The following SRSF7 variants were observed in gnomAD, a reference collection of about 807,000 sequenced individuals.
SRSF7 encodes the protein serine and arginine rich splicing factor 7.
Under a neutral mutation model 42.2 loss-of-function variants are expected in SRSF7, and 15 were observed. The observed-to-expected ratio is 0.36, with a 90% CI of 0.24 to 0.55. The LOEUF (loss-of-function observed/expected upper bound fraction) is 0.55. Ranked by LOEUF, SRSF7 falls within the 20% of genes least tolerant of loss-of-function variation. SRSF7 has a pLI of 0.88. For missense variants in SRSF7, 181 were observed against 305.9 expected, an observed-to-expected ratio of 0.59 and a Z score of 3.04; for synonymous variants, 138 against 107.9, an observed-to-expected ratio of 1.28 and a Z score of -1.73.
chr2:38,746,262 AAT>A, intron 6 of SRSF7, 83 bp from the exon 7 acceptor site: 1 of 1,466,884 alleles, frequency 6.8e-7, no homozygotes, highest in Non-Finnish European at 9.5e-7. Flanking sequence ...AAAACCCCCA[AAT>A]GTCCTAAGCT....
chr2:38,747,986 A>G lies in SRSF7; in HGVS notation c.572+61T>C, dbSNP rs987426128. On this transcript the variant is annotated intron_variant, in intron 5 of 7. Coordinates refer to ENST00000313117, the MANE Select transcript of SRSF7 (RefSeq NM_001031684.3). The stretch of plus-strand genomic sequence containing the variant: ...AATCCATTTGAATTATGTCCTTAAG[A>G]CACTCTACTGATAAGATGTGAACAA... The G allele has an allele frequency of 8.9e-6, 11 of 1,236,028 alleles. No homozygotes were observed. The African/African-American group carries it at 1.6e-4, about 18-fold the overall frequency. The allele number at this position is 1,236,028 out of a possible 1,614,324, so 76.6% of individuals were successfully genotyped here.
At chr2:38,751,173 C>G in intron 1 of SRSF7, 56 bp downstream of exon 1, 2 of 1,609,516 alleles carry the variant, frequency 1.2e-6, no homozygotes, top group Admixed American at 1.7e-5. Flanking sequence ...ACCCTACGGC[C>G]TCGCAGTGCT....
In SRSF7 at chr2:38,746,574, G is replaced by A. The variant is rs1398388540; in HGVS notation, c.626+120C>T. 10 of 1,438,672 alleles carry A rather than the reference G, an allele frequency of 7.0e-6. No homozygotes were observed. In the Middle Eastern group the frequency reaches 7.2e-4, roughly 103 times the overall value. 89.1% of individuals were successfully genotyped at this position (1,438,672 alleles called of 1,614,324 possible). A position where few individuals can be genotyped will look rare whatever the true frequency, so the allele number is the denominator to read the frequency against. On this transcript the variant is annotated intron_variant, in intron 6 of 7. Transcript: ENST00000313117. ...AGGACATACACAAATAAGGTACTGT[G>A]TTCCCACTAAAACCTAAGTTTAGAG...
chr2:38,744,956 G>A lies in SRSF7; in HGVS notation c.*177C>T. On this transcript the variant is annotated 3_prime_UTR_variant, in exon 8 of 8. Coordinates refer to ENST00000313117, the MANE Select transcript of SRSF7 (RefSeq NM_001031684.3). ...AACCCACATTTTCAGACCATATGAT[G>A]TTAATACATTCAACAAAATTTATAT... 6 of 574,762 alleles carry A rather than the reference G, an allele frequency of 1.0e-5. No individual in the cohort carries two copies. The East Asian group carries it at 1.7e-4, about 16-fold the overall frequency. 35.6% of individuals were successfully genotyped at this position (574,762 alleles called of 1,614,324 possible).
intron 3 of SRSF7, chr2:38,749,023 C>G: frequency 7.7e-7 from 1 of 1,292,172 alleles, no homozygotes; most frequent in Non-Finnish European, 1.0e-6. Context: ...AAACTGACAG[C>G]CAAATGAGCC....
chr2:38,749,407 T>C (rs761894950), intron 3 of SRSF7, 122 bp downstream of exon 3: 119 of 1,567,986 alleles, frequency 7.6e-5, no homozygotes, highest in Non-Finnish European at 9.0e-5. Context: ...TAAACAAAAA[T>C]TGTAAAATAC....
At chr2:38,751,079 G>A (rs566171611) in intron 1 of SRSF7, 150 bp downstream of exon 1, 7 of 995,032 alleles carry the variant, frequency 7.0e-6, no homozygotes, top group East Asian at 5.0e-5. Flanking sequence ...TCAGCACCCC[G>A]CCTCCGCTGC....
Position 38,750,174 on chromosome 2 carries a change from T to A in SRSF7, c.49A>T (p.Asn17Tyr). The stretch of plus-strand genomic sequence containing the variant: ...CCTTTGCCAGCGCCAGTTCCCAGGT[T>A]ACCAACATACACCTTGGTTTCTGTT... ...YGGETKVYVG[N>Y]LGTGAGKGEL... Residue 17 changes from asparagine to tyrosine, a missense_variant, in exon 2 of 8, where the codon AAC (asparagine) becomes TAC (tyrosine). Coordinates refer to ENST00000313117, the MANE Select transcript of SRSF7 (RefSeq NM_001031684.3). 6.2e-7 allele frequency: 1 copy of A among 1,610,100 alleles called. No individual in the cohort carries two copies. Among genetic ancestry groups the A allele is most frequent in the Non-Finnish European group, 8.5e-7 (1 of 1,178,836 alleles).
chr2:38,751,152 C>T (rs1668292047), intron 1 of SRSF7, 77 bp downstream of exon 1: 1 of 1,588,868 alleles, frequency 6.3e-7, no homozygotes, highest in Non-Finnish European at 8.6e-7. Flanking sequence ...CGTCTCCCAA[C>T]CTCCGCGACA....
chr2:38,751,400 T>G, upstream of SRSF7: 8 of 1,050,868 alleles, frequency 7.6e-6, no homozygotes, highest in Non-Finnish European at 5.6e-6. Context: ...ATGCGGCCGC[T>G]GCGCTTTGCG....
At chr2:38,746,590 A>C (rs1422241819) in intron 6 of SRSF7, 104 bp downstream of exon 6, 8 of 1,530,488 alleles carry the variant, frequency 5.2e-6, no homozygotes, top group Non-Finnish European at 5.3e-6. Flanking sequence ...ACTAAAACCT[A>C]AGTTTAGAGT....
intron 5 of SRSF7, 38 bp downstream of exon 5, chr2:38,748,009 C>T: frequency 6.9e-7 from 1 of 1,456,334 alleles, no homozygotes; most frequent in Non-Finnish European, 9.6e-7. Flanking sequence ...AAGATGTGAA[C>T]AATCCAAACA....
At position 38,751,177 on chromosome 2, in the gene SRSF7, C is replaced by A. The variant is rs376892039; in HGVS notation, c.28+52G>T. The A allele has an allele frequency of 8.0e-4, 1,291 of 1,611,178 alleles. 3 individuals carry two copies. Among genetic ancestry groups the A allele is most frequent in the Non-Finnish European group, 8.9e-4 (1,052 of 1,177,328 alleles). On this transcript the variant is annotated intron_variant, in intron 1 of 7. Transcript: ENST00000313117. ...CCTCCGCGACAACCCTACGGCCTCG[C>A]AGTGCTCACTACACCCACACCAACG...
chr2:38,748,919 C>A, intron 3 of SRSF7: 1 of 1,349,592 alleles, frequency 7.4e-7, no homozygotes, highest in Non-Finnish European at 9.6e-7. Context: ...GCAGGTCGAC[C>A]CTCTTTGGCC....
chr2:38,746,567 G>A, intron 6 of SRSF7, 127 bp downstream of exon 6: 1 of 1,356,748 alleles, frequency 7.4e-7, no homozygotes, highest in Non-Finnish European at 1.0e-6. Context: ...CACAAATAAG[G>A]TACTGTGTTC....
At chr2:38,750,689 T>C (rs1050975228) in intron 1 of SRSF7, 98 of 107,458 alleles carry the variant, frequency 9.1e-4, no homozygotes, top group Non-Finnish European at 2.9e-4. Flanking sequence ...GCGCTGGAAA[T>C]AACTAAAAAA....
chr2:38,751,323 A>T lies in SRSF7; in HGVS notation c.-67T>A. On this transcript the variant is annotated 5_prime_UTR_variant, in exon 1 of 8. Transcript: ENST00000313117. The stretch of plus-strand genomic sequence containing the variant: ...CAGGGCTCGAGTGACGCAAAAGCTG[A>T]CACACACCTTCACCCGCCAAGAGTC... The T allele has an allele frequency of 6.2e-7, 1 of 1,608,976 alleles. No homozygotes were observed. The highest frequency in any genetic ancestry group is 8.5e-7 in the Non-Finnish European group (1 of 1,176,362).
rs530223864 is a variant in SRSF7 at position 38,746,684 on chromosome 2, T to C, written c.626+10A>G. 7.4e-6 allele frequency: 12 copies of C among 1,613,288 alleles called. No individual in the cohort carries two copies. The African/African-American group carries it at 1.6e-4, about 22-fold the overall frequency. ...ATAACTAGAAAAGCATAATCAAATT[T>C]TTACCCTACCTGCTTCTTGGTCGTG... On this transcript the variant is annotated intron_variant, in intron 6 of 7. Coordinates refer to ENST00000313117, the MANE Select transcript of SRSF7 (RefSeq NM_001031684.3).
At chr2:38,748,818 TAA>T in intron 3 of SRSF7, 165 bp from the exon 4 acceptor site, 12 of 1,257,688 alleles carry the variant, frequency 9.5e-6, no homozygotes, top group Non-Finnish European at 1.3e-5. Context: ...TTTTACTACC[TAA>T]AAAAAGATTT....
Sources: allele counts gnomAD v4.1 joint callset, GRCh38; gene constraint gnomAD v4.1.1; transcripts MANE v1.5; gene names NCBI Gene and HGNC (gene_info 2026-07-23, HGNC 2026-07-21).